The following SOCS2 variants were observed in gnomAD, a reference collection of about 807,000 sequenced individuals.
SOCS2 encodes CIS-2.
A neutral mutation model predicts 18.6 loss-of-function variants in SOCS2; 10 were observed. The observed-to-expected ratio is 0.54, with a 90% CI of 0.33 to 0.91. The LOEUF is 0.91. Ranked by LOEUF, SOCS2 falls within the 40% of genes least tolerant of loss-of-function variation. The pLI, the probability that SOCS2 is intolerant of heterozygous loss-of-function variation, is 0.02. For missense variants in SOCS2, 231 were observed against 247.2 expected (o/e 0.93, Z 0.44); for synonymous variants, 104 against 104.0 (o/e 1.00, Z 0.00).
At chr12:93,612,587 C>G in the SOCS2 span, among the ~76,000 whole-genome samples, 1 of 152,202 alleles carries the variant, frequency 6.6e-6, no homozygotes, top group Non-Finnish European at 1.5e-5. Flanking sequence ...ATTCTAATCT[C>G]TGTCTCAGAA....
chr12:93,604,869 C>A, the SOCS2 span, among the ~76,000 whole-genome samples: 2 of 151,954 alleles, frequency 1.3e-5, no homozygotes, highest in Non-Finnish European at 1.5e-5. Flanking sequence ...CTATGTTGCC[C>A]AGGCTGGTGT....
chr12:93,579,869 C>T (rs895903950), downstream of SOCS2, among the ~76,000 whole-genome samples: 1 of 152,192 alleles, frequency 6.6e-6, no homozygotes, highest in African/African-American at 2.4e-5. Context: ...ATAGGACTTA[C>T]TTCAATAAAC....
chr12:93,573,786 G>T (rs986629468), intron 1 of SOCS2: 1 of 152,158 alleles, frequency 6.6e-6, no homozygotes, highest in East Asian at 1.9e-4. Context: ...TGCGATTCCG[G>T]TCTTTCCGTG....
Position 93,572,988 on chromosome 12 carries a change from C to T in SOCS2, c.91C>T (p.Pro31Ser). Residue 31 changes from proline (P) to serine (S), a missense_variant, in exon 1 of 2, where the codon CCG (proline) becomes TCG (serine). Transcript: ENST00000551556. The surrounding 1 kb of genome is among the most constrained non-coding windows in gnomAD (Gnocchi z 5.0). ...GTAGSAEEPS[P>S]QAARLAKALR... The stretch of plus-strand genomic sequence containing the variant: ...CGCGGGGTCGGCGGAGGAGCCATCC[C>T]CGCAGGCGGCGCGTCTGGCGAAGGC... 1.3e-6 allele frequency: 2 copies of T among 1,569,898 alleles called. No homozygotes were observed. Among genetic ancestry groups the T allele is most frequent in the Non-Finnish European group, 8.6e-7 (1 of 1,159,006 alleles).
chr12:93,615,767 T>C, the SOCS2 span, among the ~76,000 whole-genome samples: 1 of 152,202 alleles, frequency 6.6e-6, no homozygotes, highest in African/African-American at 2.4e-5. Context: ...AGCTAATTTT[T>C]GTATTTTTAG....
the SOCS2 span, among the ~76,000 whole-genome samples, chr12:93,592,134 G>A: frequency 2.0e-5 from 3 of 152,062 alleles, no homozygotes; most frequent in African/African-American, 7.2e-5. Flanking sequence ...CCTTTTTATT[G>A]TTCCAGAATT....
At chr12:93,618,511 A>G in the SOCS2 span, among the ~76,000 whole-genome samples, 1 of 151,872 alleles carries the variant, frequency 6.6e-6, no homozygotes, top group East Asian at 1.9e-4. Flanking sequence ...CCAGCTGCCC[A>G]CCACCCTTCC....
At chr12:93,580,076 C>A (rs890633943), downstream of SOCS2, among the ~76,000 whole-genome samples, 15 of 152,330 alleles carry the variant, frequency 9.8e-5, no homozygotes, top group African/African-American at 3.6e-4. Context: ...CAGCTGCCTT[C>A]TTCTCCTGTC....
chr12:93,573,788 C>G (rs1392283380), intron 1 of SOCS2: 2 of 152,104 alleles, frequency 1.3e-5, no homozygotes, highest in Non-Finnish European at 2.9e-5. Context: ...CGATTCCGGT[C>G]TTTCCGTGTG....
At position 93,572,974 on chromosome 12, in the gene SOCS2, C is replaced by T. The variant is rs577916903; in HGVS notation, c.77C>T (p.Ala26Val). Reference protein sequence around the residue: ...TRSQWGTAGSAEEPSPQAARL... With the variant: ...TRSQWGTAGSVEEPSPQAARL... Reference sequence around the variant, plus strand: ...AGCCAGTGGGGGACCGCGGGGTCGGCGGAGGAGCCATCCCCGCAGGCGGCG... The same window carrying T: ...AGCCAGTGGGGGACCGCGGGGTCGGTGGAGGAGCCATCCCCGCAGGCGGCG... Residue 26 changes from alanine (A) to valine (V), a missense_variant, in exon 1 of 2, where the codon GCG becomes GTG. Physicochemically the swap from Ala to Val is moderately conservative, Grantham distance 64 (BLOSUM62 0). This residue lies in a region of SOCS2 where 106 missense variants were observed against 103.8 expected (regional missense o/e 1.02). Transcript: ENST00000551556. This position sits in a 1 kb window ranked among gnomAD's most constrained non-coding sequence, Gnocchi z 5.0. 14 of 1,568,020 alleles carry T rather than the reference C, an allele frequency of 8.9e-6. No homozygotes were observed. The African/African-American group carries it at 1.4e-4, about 15-fold the overall frequency.
chr12:93,587,836 G>C (rs558127504), downstream of SOCS2, among the ~76,000 whole-genome samples: 36 of 152,316 alleles, frequency 2.4e-4, no homozygotes, highest in South Asian at 7.5e-3. Flanking sequence ...AAACCAACTA[G>C]GAGATAACCC....
chr12:93,606,305 G>A, the SOCS2 span, among the ~76,000 whole-genome samples: 2 of 152,088 alleles, frequency 1.3e-5, no homozygotes, highest in South Asian at 2.1e-4. Flanking sequence ...GATATTGAGG[G>A]CCACTAGAAG....
chr12:93,603,186 C>G, the SOCS2 span, among the ~76,000 whole-genome samples: 3 of 152,172 alleles, frequency 2.0e-5, no homozygotes, highest in Non-Finnish European at 4.4e-5. Flanking sequence ...GTCTCAGCAG[C>G]CTTTAGCTTC....
At chr12:93,625,221 A>C in the SOCS2 span, among the ~76,000 whole-genome samples, 1 of 151,616 alleles carries the variant, frequency 6.6e-6, no homozygotes, top group African/African-American at 2.4e-5. Context: ...CAGTTCTTTT[A>C]TTTATTTGTT....
the SOCS2 span, among the ~76,000 whole-genome samples, chr12:93,589,194 G>A: frequency 2.0e-5 from 3 of 152,196 alleles, no homozygotes; most frequent in Non-Finnish European, 4.4e-5. Context: ...CAGATTCTGG[G>A]CAGGCAGTGC....
the SOCS2 span, among the ~76,000 whole-genome samples, chr12:93,596,811 G>A: frequency 6.6e-6 from 1 of 152,082 alleles, no homozygotes; most frequent in African/African-American, 2.4e-5. Flanking sequence ...CTGGGAGACG[G>A]AGCAAGACCC....
the SOCS2 span, among the ~76,000 whole-genome samples, chr12:93,613,930 A>C: frequency 1.3e-5 from 2 of 152,202 alleles, no homozygotes; most frequent in African/African-American, 4.8e-5. Flanking sequence ...CCTCCCAAAA[A>C]AGAATAGAAC....
chr12:93,606,448 A>C, the SOCS2 span, among the ~76,000 whole-genome samples: 2,321 of 152,036 alleles, frequency 0.015, 72 homozygotes, highest in African/African-American at 0.053. Context: ...GGAACTGCTG[A>C]GGTGTGGCTT....
the SOCS2 span, among the ~76,000 whole-genome samples, chr12:93,593,897 A>C: frequency 6.6e-6 from 1 of 152,234 alleles, no homozygotes; most frequent in Non-Finnish European, 1.5e-5. Flanking sequence ...TACCATACAG[A>C]GGCATCTGCC....
Sources: allele counts gnomAD v4.1 joint callset (sites outside exome capture counted in the v4.1 genomes callset), GRCh38; gene constraint gnomAD v4.1.1; regional missense constraint gnomAD v4.1.1; non-coding constraint Gnocchi (gnomAD v3.1); transcripts MANE v1.5; gene names NCBI Gene and HGNC (gene_info 2026-07-23, HGNC 2026-07-21).